The following ARFGEF1 variants were observed in gnomAD, a reference collection of about 807,000 sequenced individuals.
The protein encoded by ARFGEF1 is ARF guanine nucleotide exchange factor 1, also known as brefeldin A-inhibited guanine nucleotide-exchange protein 1.
Under a neutral mutation model 231.0 loss-of-function variants are expected in ARFGEF1, and 42 were observed. That is an observed-to-expected ratio of 0.18 (90% confidence interval 0.14 to 0.24). The LOEUF (loss-of-function observed/expected upper bound fraction) is 0.24. ARFGEF1 is among the 10% of genes least tolerant of loss of function. The probability of loss-of-function intolerance (pLI) is 1.00; values close to 1 mark genes in which losing one functional copy is unlikely to be tolerated. For missense variants in ARFGEF1, 1,345 were observed against 2,192.0 expected, an observed-to-expected ratio of 0.61 and a Z score of 7.72; for synonymous variants, 710 against 732.3, an observed-to-expected ratio of 0.97 and a Z score of 0.49.
At chr8:67,196,527 T>G (rs1587004499), downstream of ARFGEF1, among the ~76,000 whole-genome samples, 1 of 152,304 alleles carries the variant, frequency 6.6e-6, no homozygotes, top group Non-Finnish European at 1.5e-5. Flanking sequence ...GCACTGCTTC[T>G]CTCTCTAATA....
intron 19 of ARFGEF1, among the ~76,000 whole-genome samples, chr8:67,243,485 C>T (rs899464201): frequency 2.2e-4 from 34 of 152,216 alleles, no homozygotes; most frequent in Middle Eastern, 3.4e-3. Flanking sequence ...AAGAACAGCA[C>T]GGGAAAAGAC....
intron 23 of ARFGEF1, among the ~76,000 whole-genome samples, chr8:67,231,609 G>C (rs1018962024): frequency 6.6e-6 from 1 of 152,000 alleles, no homozygotes; most frequent in Non-Finnish European, 1.5e-5. Flanking sequence ...CAGTGAAGAT[G>C]ATTTTTCTGG....
In ARFGEF1 at chr8:67,343,205, G is replaced by A. The variant is rs1477016231; in HGVS notation, c.83C>T (p.Ala28Val). The change falls in exon 1 of 39, where the codon GCG (alanine) becomes GTG (valine). Residue 28 changes from alanine to valine, a missense_variant. By Grantham distance (64) the Ala-to-Val change is moderately conservative. This residue lies in a region of ARFGEF1 where 398 missense variants were observed against 463.2 expected (regional missense o/e 0.86). Transcript: ENST00000262215. ...KILADKEVKK[A>V]HHSQLRKACE... ...AGCTTTGCGCAGCTGGGAGTGATGC[G>A]CCTTCTTCACTTCCTTGTCGGCCAA... 4 of 1,613,104 alleles carry A rather than the reference G, an allele frequency of 2.5e-6. No individual in the cohort carries two copies. The highest frequency in any genetic ancestry group is 3.4e-6 in the Non-Finnish European group (4 of 1,179,590).
chr8:67,234,237 C>A (rs1369669107), intron 22 of ARFGEF1, among the ~76,000 whole-genome samples: 1 of 152,086 alleles, frequency 6.6e-6, no homozygotes, highest in Non-Finnish European at 1.5e-5. Context: ...AACCCCTGTC[C>A]TCACAGAGTT....
intron 1 of ARFGEF1, among the ~76,000 whole-genome samples, chr8:67,326,017 G>A (rs1807816007): frequency 6.6e-6 from 1 of 152,048 alleles, no homozygotes; most frequent in African/African-American, 2.4e-5. Context: ...TGGCCAACAT[G>A]GTAAAACCCC....
chr8:67,182,215 T>C (rs1833223141), intron 5 of ARFGEF1, among the ~76,000 whole-genome samples: 1 of 152,064 alleles, frequency 6.6e-6, no homozygotes, highest in Admixed American at 6.5e-5. Flanking sequence ...GCTGCCCAGG[T>C]TGGTCGCGAA....
rs370283781 is a variant in ARFGEF1 at position 67,219,164 on chromosome 8, A to C, written c.4338+267T>G. 2.0e-5 allele frequency among the ~76,000 whole-genome samples: 3 copies of C among 152,128 alleles called. No homozygotes were observed. In the South Asian group the frequency reaches 6.2e-4, roughly 32 times the overall value. ...GTATTTTTAGTAGAGATGGGGTTTCACCATGTTGGCCAGGCTGGTCTCAAA... is the reference window on the plus strand; with the variant it reads ...GTATTTTTAGTAGAGATGGGGTTTCCCCATGTTGGCCAGGCTGGTCTCAAA... On this transcript the variant is annotated intron_variant, in intron 30 of 38. Coordinates refer to ENST00000262215, the MANE Select transcript of ARFGEF1 (RefSeq NM_006421.5).
intron 5 of ARFGEF1, among the ~76,000 whole-genome samples, chr8:67,294,846 T>G (rs1344647615): frequency 6.6e-6 from 1 of 152,090 alleles, no homozygotes; most frequent in African/African-American, 2.4e-5. Context: ...CAACTAGCAC[T>G]CAGATTTTGG....
At chr8:67,257,610 A>T (rs1490546218) in intron 17 of ARFGEF1, 122 bp downstream of exon 17, 1 of 763,546 alleles carries the variant, frequency 1.3e-6, no homozygotes, top group Non-Finnish European at 2.2e-6. Context: ...CAAATTAAAT[A>T]CCCAAATATG....
chr8:67,245,256 T>A (rs772188652), intron 19 of ARFGEF1, among the ~76,000 whole-genome samples: 1 of 150,470 alleles, frequency 6.6e-6, no homozygotes, highest in Non-Finnish European at 1.5e-5. Flanking sequence ...AGGACATTAA[T>A]GAGTAAGAAG....
At chr8:67,341,404 T>C (rs536480896) in intron 1 of ARFGEF1, among the ~76,000 whole-genome samples, 63 of 128,424 alleles carry the variant, frequency 4.9e-4, no homozygotes, top group Non-Finnish European at 7.5e-4. Flanking sequence ...CTGGGCGATA[T>C]AGAGAGACCG....
chr8:67,189,845 A>AT (rs938106339), intron 5 of ARFGEF1, among the ~76,000 whole-genome samples: 2 of 152,132 alleles, frequency 1.3e-5, no homozygotes, highest in African/African-American at 4.8e-5. Context: ...TTTAGGTATA[A>AT]TTTTTTTCAA....
At chr8:67,217,316 A>C (rs921568862) in intron 32 of ARFGEF1, among the ~76,000 whole-genome samples, 6 of 151,696 alleles carry the variant, frequency 4.0e-5, no homozygotes, top group East Asian at 1.9e-4. Flanking sequence ...AAAAAAAAAA[A>C]AAAAACCTAC....
rs555114766 is a variant in ARFGEF1 at position 67,312,841 on chromosome 8, A to C, written c.125-10375T>G. Among the ~76,000 whole-genome samples, 29 of 152,364 alleles carry C rather than the reference A, an allele frequency of 1.9e-4. No homozygotes were observed. In the South Asian group the frequency reaches 6.0e-3, roughly 32 times the overall value. ...GGTTACTCAAACTGGTAAAATGCTGACATCAGTATACTGTGAAAAGCTATG... is the reference window on the plus strand; with the variant it reads ...GGTTACTCAAACTGGTAAAATGCTGCCATCAGTATACTGTGAAAAGCTATG... On this transcript the variant is annotated intron_variant, in intron 1 of 38. Transcript: ENST00000262215.
intron 19 of ARFGEF1, among the ~76,000 whole-genome samples, chr8:67,243,845 C>A (rs1012905595): frequency 1.3e-5 from 2 of 152,032 alleles, no homozygotes; most frequent in Admixed American, 6.5e-5. Flanking sequence ...TTTGAGGAAA[C>A]TCAAATAAAT....
At chr8:67,264,476 C>G (rs1052879438) in intron 14 of ARFGEF1, among the ~76,000 whole-genome samples, 4 of 152,046 alleles carry the variant, frequency 2.6e-5, no homozygotes, top group African/African-American at 9.7e-5. Context: ...TAACAGGCTT[C>G]TCTATTTGTC....
At chr8:67,283,232 T>C (rs996016666) in intron 7 of ARFGEF1, among the ~76,000 whole-genome samples, 3 of 152,190 alleles carry the variant, frequency 2.0e-5, no homozygotes. Flanking sequence ...TTGATCAAGC[T>C]ATTCCTTCTT....
intron 22 of ARFGEF1, among the ~76,000 whole-genome samples, chr8:67,237,261 A>C (rs1241678265): frequency 6.6e-6 from 1 of 152,202 alleles, no homozygotes; most frequent in African/African-American, 2.4e-5. Context: ...CTGCTAGATC[A>C]CCAAGGTATC....
At chr8:67,270,385 A>G (rs1191715062) in intron 10 of ARFGEF1, among the ~76,000 whole-genome samples, 1 of 152,210 alleles carries the variant, frequency 6.6e-6, no homozygotes, top group Non-Finnish European at 1.5e-5. Context: ...GAACATTAAC[A>G]TTAAAGGATA....
Sources: gnomAD v4.1 joint callset for allele counts (sites outside exome capture counted in the v4.1 genomes callset) on GRCh38, gnomAD v4.1.1 for gene constraint, gnomAD v4.1.1 regional missense constraint, MANE v1.5 for transcripts, NCBI Gene and HGNC (gene_info 2026-07-23, HGNC 2026-07-21) for gene names.